The following DPP6 variants were observed in gnomAD, a reference collection of about 807,000 sequenced individuals.
DPP6 encodes A-type potassium channel modulatory protein DPP6.
A neutral mutation model predicts 122.6 loss-of-function variants in DPP6; 69 were observed. The ratio of observed to expected loss-of-function variants is 0.56; its 90% CI spans 0.46 to 0.69. The LOEUF (loss-of-function observed/expected upper bound fraction) is 0.69, where lower values mean the gene tolerates loss of function less well. Ranked by LOEUF, DPP6 falls within the 30% of genes least tolerant of loss-of-function variation. The pLI is 0.00. For synonymous variants in DPP6, 418 were observed against 433.1 expected, an observed-to-expected ratio of 0.97 and a Z score of 0.43; for missense variants, 928 against 1,116.9, an observed-to-expected ratio of 0.83 and a Z score of 2.41.
chr7:154,576,371 A>T (rs1446930304), intron 5 of DPP6, among the ~76,000 whole-genome samples: 1 of 152,024 alleles, frequency 6.6e-6, no homozygotes, highest in East Asian at 1.9e-4. Flanking sequence ...TTTCTGTGTA[A>T]CTCAGTGCTC....
intron 1 of DPP6, among the ~76,000 whole-genome samples, chr7:153,983,805 C>A (rs926197946): frequency 6.6e-6 from 1 of 152,040 alleles, no homozygotes; most frequent in African/African-American, 2.4e-5. Flanking sequence ...GGAGGGAGTT[C>A]CGTGACCCCT....
At chr7:153,996,225 A>AT (rs1319646257) in intron 1 of DPP6, among the ~76,000 whole-genome samples, 4 of 152,198 alleles carry the variant, frequency 2.6e-5, no homozygotes, top group Non-Finnish European at 5.9e-5. Flanking sequence ...ACAAATGTCT[A>AT]TTTTTATTTC....
At chr7:153,798,733 A>G in the DPP6 span, among the ~76,000 whole-genome samples, 4 of 152,310 alleles carry the variant, frequency 2.6e-5, no homozygotes, top group African/African-American at 9.6e-5. Context: ...TATAAAATGA[A>G]AGAATTATAC....
intron 17 of DPP6, among the ~76,000 whole-genome samples, chr7:154,864,229 A>G (rs1355165611): frequency 6.6e-6 from 1 of 152,180 alleles, no homozygotes; most frequent in Non-Finnish European, 1.5e-5. Context: ...TCCGTTGCCT[A>G]TTGGTGTTCA....
chr7:154,429,809 A>C (rs1210845647), intron 1 of DPP6, among the ~76,000 whole-genome samples: 1 of 152,198 alleles, frequency 6.6e-6, no homozygotes, highest in South Asian at 2.1e-4. Context: ...ACACAGCAGT[A>C]CCACGTGTCT....
At chr7:154,839,856 AGCCTCTGG>A (rs1377906526) in intron 16 of DPP6, among the ~76,000 whole-genome samples, 2 of 24,372 alleles carry the variant, frequency 8.2e-5, no homozygotes, top group Non-Finnish European at 2.6e-4. Flanking sequence ...TTTAAACCTA[AGCCTCTGG>A]ACAGTGGAAA....
chr7:154,184,407 G>A (rs191243511), intron 1 of DPP6, among the ~76,000 whole-genome samples: 5 of 152,008 alleles, frequency 3.3e-5, no homozygotes, highest in Non-Finnish European at 5.9e-5. Flanking sequence ...TGGTTACTCT[G>A]TGCTGCACGG....
chr7:154,804,649 C>T (rs1029395536), intron 14 of DPP6, among the ~76,000 whole-genome samples: 1 of 152,224 alleles, frequency 6.6e-6, no homozygotes, highest in African/African-American at 2.4e-5. Flanking sequence ...GTGTCACCCC[C>T]AACCACAGTA....
At chr7:154,053,711 C>G (rs1390985759) in intron 1 of DPP6, among the ~76,000 whole-genome samples, 1 of 152,204 alleles carries the variant, frequency 6.6e-6, no homozygotes, top group Non-Finnish European at 1.5e-5. Context: ...TGCTGAGAGC[C>G]CTCAGGCCGT....
chr7:154,413,501 A>G (rs2151211222), intron 1 of DPP6, among the ~76,000 whole-genome samples: 1 of 152,226 alleles, frequency 6.6e-6, no homozygotes, highest in South Asian at 2.1e-4. Context: ...TGCCATTTTG[A>G]TTTTTCTAGA....
intron 5 of DPP6, among the ~76,000 whole-genome samples, chr7:154,636,776 T>C (rs958116812): frequency 2.0e-5 from 3 of 152,242 alleles, no homozygotes; most frequent in Non-Finnish European, 4.4e-5. Context: ...CTGTTTTCTT[T>C]GCAAGCTCAT....
intron 7 of DPP6, among the ~76,000 whole-genome samples, chr7:154,706,950 A>G (rs1474941634): frequency 6.6e-6 from 1 of 152,200 alleles, no homozygotes; most frequent in East Asian, 1.9e-4. Context: ...GTTTTGAAAG[A>G]AGGAATGATA....
chr7:153,891,585 G>T (rs1330923810), intron 1 of DPP6, among the ~76,000 whole-genome samples: 2 of 152,028 alleles, frequency 1.3e-5, no homozygotes, highest in Non-Finnish European at 2.9e-5. Flanking sequence ...TTGATATTCT[G>T]CTTGTTTAAC....
chr7:154,397,847 A>T (rs1815222627), intron 1 of DPP6, among the ~76,000 whole-genome samples: 1 of 151,930 alleles, frequency 6.6e-6, no homozygotes, highest in African/African-American at 2.4e-5. Flanking sequence ...AAAGCAGCAA[A>T]GGTGTCTTCT....
intron 1 of DPP6, among the ~76,000 whole-genome samples, chr7:154,209,166 C>T (rs1799607392): frequency 6.6e-6 from 1 of 152,184 alleles, no homozygotes; most frequent in Non-Finnish European, 1.5e-5. Context: ...TACATGTGAT[C>T]CCCGAGGAGA....
intron 8 of DPP6, among the ~76,000 whole-genome samples, chr7:154,745,947 C>T (rs763753691): frequency 1.3e-5 from 2 of 152,190 alleles, no homozygotes; most frequent in Admixed American, 1.3e-4. Context: ...AATTTCAACA[C>T]GAAGTTTGGA....
the DPP6 span, among the ~76,000 whole-genome samples, chr7:153,757,340 A>G: frequency 6.6e-6 from 1 of 152,218 alleles, no homozygotes; most frequent in Non-Finnish European, 1.5e-5. Context: ...AAATGTGCGC[A>G]CAGCAGAACA....
chr7:154,862,340 C>A (rs1355051583), intron 17 of DPP6, among the ~76,000 whole-genome samples: 1 of 152,270 alleles, frequency 6.6e-6, no homozygotes, highest in Non-Finnish European at 1.5e-5. Flanking sequence ...GCCTGGGAAC[C>A]AGTCTCCTGA....
At chr7:154,597,780 T>C (rs1833190632) in intron 5 of DPP6, among the ~76,000 whole-genome samples, 1 of 152,162 alleles carries the variant, frequency 6.6e-6, no homozygotes, top group East Asian at 1.9e-4. Flanking sequence ...GAGGGAGTGC[T>C]GGCTCCAGGC....
Sources: gnomAD v4.1 joint callset for allele counts (sites outside exome capture counted in the v4.1 genomes callset) on GRCh38, gnomAD v4.1.1 for gene constraint, MANE v1.5 for transcripts, NCBI Gene and HGNC (gene_info 2026-07-23, HGNC 2026-07-21) for gene names.